The following IL33 variants were observed in gnomAD, a reference collection of about 807,000 sequenced individuals.
IL33 encodes interleukin-33.
A neutral mutation model predicts 27.3 loss-of-function variants in IL33; 37 were observed. The observed-to-expected ratio is 1.36, with a 90% CI of 1.04 to 1.78. The LOEUF (loss-of-function observed/expected upper bound fraction) is 1.78, where lower values mean the gene tolerates loss of function less well. Among genes scored for constraint, IL33 ranks in the 40% most tolerant of loss-of-function variants. IL33 has a pLI of 0.00. For synonymous variants in IL33, 132 were observed against 102.9 expected, an observed-to-expected ratio of 1.28 and a Z score of -1.71; for missense variants, 406 against 311.4, an observed-to-expected ratio of 1.30 and a Z score of -2.29.
upstream of IL33, among the ~76,000 whole-genome samples, chr9:6,215,166 T>C (rs1172643635): frequency 2.0e-5 from 3 of 152,050 alleles, no homozygotes; most frequent in Non-Finnish European, 2.9e-5. Flanking sequence ...CCAAACGAGA[T>C]GGAGAGAGGG....
intron 1 of IL33, among the ~76,000 whole-genome samples, chr9:6,240,602 T>C (rs940018225): frequency 7.2e-5 from 11 of 152,156 alleles, no homozygotes; most frequent in Admixed American, 1.3e-4. Context: ...TGCACTTGTA[T>C]TGGGCAATTA....
At chr9:6,236,245 A>G (rs1472994136) in intron 1 of IL33, among the ~76,000 whole-genome samples, 2 of 152,196 alleles carry the variant, frequency 1.3e-5, no homozygotes, top group Non-Finnish European at 2.9e-5. Flanking sequence ...TAATTGGAAA[A>G]TGCAAAAAAA....
intron 2 of IL33, among the ~76,000 whole-genome samples, chr9:6,244,425 G>GT (rs1204391140): frequency 6.6e-6 from 1 of 152,044 alleles, no homozygotes; most frequent in African/African-American, 2.4e-5. Flanking sequence ...TATATACTAT[G>GT]TTTTTTCCTA....
At chr9:6,240,908 T>A (rs560881379) in intron 1 of IL33, among the ~76,000 whole-genome samples, 10 of 152,310 alleles carry the variant, frequency 6.6e-5, no homozygotes, top group African/African-American at 2.2e-4. Flanking sequence ...TTCCTTTATA[T>A]CCTTATTCTA....
chr9:6,236,566 CTT>C (rs869262206), intron 1 of IL33, among the ~76,000 whole-genome samples: 27 of 152,296 alleles, frequency 1.8e-4, no homozygotes, highest in Admixed American at 7.8e-4. Context: ...AAGTGTAACT[CTT>C]TGACAGTGCT....
At chr9:6,245,936 G>A (rs142373556) in intron 2 of IL33, among the ~76,000 whole-genome samples, 8,111 of 151,286 alleles carry the variant, frequency 0.054, 692 homozygotes, top group African/African-American at 0.18. Context: ...GGTGGCGGGC[G>A]CCTGTAGTCC....
chr9:6,220,050 C>G (rs1255427008), intron 1 of IL33, among the ~76,000 whole-genome samples: 2 of 152,180 alleles, frequency 1.3e-5, no homozygotes, highest in African/African-American at 4.8e-5. Context: ...GATGAAGTGA[C>G]ATTAAAACCT....
intron 2 of IL33, 68 bp from the exon 3 acceptor site, chr9:6,250,406 A>T (rs550936627): frequency 1.1e-5 from 17 of 1,553,598 alleles, no homozygotes; most frequent in Non-Finnish European, 1.5e-5. Context: ...GGTCTGCTAC[A>T]CTCAGGATTT....
At chr9:6,226,200 G>A (rs894365379) in intron 1 of IL33, among the ~76,000 whole-genome samples, 1 of 151,822 alleles carries the variant, frequency 6.6e-6, no homozygotes, top group African/African-American at 2.4e-5. Flanking sequence ...TTTTTTAAGA[G>A]ATGGGGCCTC....
chr9:6,243,159 C>T (rs1195716959), intron 2 of IL33, among the ~76,000 whole-genome samples: 1 of 152,108 alleles, frequency 6.6e-6, no homozygotes, highest in Admixed American at 6.6e-5. Context: ...TGGGACCAAA[C>T]CAACCAAAGC....
At chr9:6,238,477 G>A (rs955224722) in intron 1 of IL33, among the ~76,000 whole-genome samples, 3 of 152,156 alleles carry the variant, frequency 2.0e-5, no homozygotes, top group African/African-American at 7.2e-5. Context: ...ATGTAAATAG[G>A]TGGCATGCAC....
At chr9:6,233,636 C>G (rs1819037591) in intron 1 of IL33, among the ~76,000 whole-genome samples, 1 of 152,110 alleles carries the variant, frequency 6.6e-6, no homozygotes, top group Admixed American at 6.6e-5. Context: ...AATATATCTT[C>G]TCATTTAATT....
chr9:6,243,077 C>T lies in IL33; in HGVS notation c.91+1292C>T, dbSNP rs535184085. Among the ~76,000 whole-genome samples, 6 of 152,298 alleles carry T rather than the reference C, an allele frequency of 3.9e-5. No homozygotes were observed. The South Asian group carries it at 1.2e-3, about 32-fold the overall frequency. On this transcript the variant is annotated intron_variant, in intron 2 of 7. Transcript: ENST00000682010. Reference sequence around the variant, plus strand: ...CACCAAGCTGTTCATGAGTGGTCTGCCCCATGATCCAAATACCTCCCACAA... The same window carrying T: ...CACCAAGCTGTTCATGAGTGGTCTGTCCCATGATCCAAATACCTCCCACAA...
At chr9:6,218,907 T>TATATGTTCTCC (rs1362567453) in intron 1 of IL33, among the ~76,000 whole-genome samples, 4 of 53,812 alleles carry the variant, frequency 7.4e-5, no homozygotes, top group Admixed American at 1.8e-4. Context: ...TCCATATATA[T>TATATGTTCTCC]ATATATATAT....
At chr9:6,236,655 G>T (rs888228082) in intron 1 of IL33, among the ~76,000 whole-genome samples, 1 of 152,168 alleles carries the variant, frequency 6.6e-6, no homozygotes, top group Non-Finnish European at 1.5e-5. Context: ...ATCACTTGCG[G>T]TCAGGAGTTC....
intron 1 of IL33, among the ~76,000 whole-genome samples, chr9:6,239,598 G>A (rs1384304092): frequency 2.0e-5 from 3 of 151,550 alleles, no homozygotes; most frequent in African/African-American, 7.3e-5. Context: ...CCCTTTTTCA[G>A]GGCCCCTCTC....
At chr9:6,223,750 G>A (rs1314866418) in intron 1 of IL33, among the ~76,000 whole-genome samples, 1 of 152,082 alleles carries the variant, frequency 6.6e-6, no homozygotes, top group East Asian at 1.9e-4. Context: ...GCTGCAACTG[G>A]GGAACACAGA....
At chr9:6,218,595 C>CATAT (rs71328180) in intron 1 of IL33, among the ~76,000 whole-genome samples, 4 of 143,682 alleles carry the variant, frequency 2.8e-5, no homozygotes, top group Admixed American at 7.0e-5. Flanking sequence ...TATATATATG[C>CATAT]ATATATATAT....
chr9:6,243,995 A>C (rs1819685006), intron 2 of IL33, among the ~76,000 whole-genome samples: 1 of 152,210 alleles, frequency 6.6e-6, no homozygotes, highest in Admixed American at 6.5e-5. Context: ...CTGAGTCAAA[A>C]TGCTCTCTGT....
Sources: gnomAD v4.1 joint callset for allele counts (sites outside exome capture counted in the v4.1 genomes callset) on GRCh38, gnomAD v4.1.1 for gene constraint, MANE v1.5 for transcripts, NCBI Gene and HGNC (gene_info 2026-07-23, HGNC 2026-07-21) for gene names.